The following MSI2 variants were observed in gnomAD, a reference collection of about 807,000 sequenced individuals.
The protein encoded by MSI2 is RNA-binding protein Musashi homolog 2.
MSI2 carries 17 observed loss-of-function variants against 45.6 expected under a neutral mutation model. That is an observed-to-expected ratio of 0.37 (90% CI 0.26 to 0.56). MSI2 has a LOEUF of 0.56. Ranked by LOEUF, MSI2 falls within the 20% of genes least tolerant of loss-of-function variation. The probability of loss-of-function intolerance (pLI) is 0.77; values close to 1 mark genes in which losing one functional copy is unlikely to be tolerated. For missense variants in MSI2, 293 were observed against 444.2 expected (o/e 0.66, Z 3.06); for synonymous variants, 156 against 158.2 (o/e 0.99, Z 0.11).
chr17:57,626,917 A>G, intron 9 of MSI2: 1 of 458,180 alleles, frequency 2.2e-6, no homozygotes, highest in Non-Finnish European at 3.9e-6. Flanking sequence ...AGCTCTCCAA[A>G]TGTCAGAGCC....
chr17:57,260,297 C>T (rs1327503216), intron 4 of MSI2, among the ~76,000 whole-genome samples: 1 of 152,196 alleles, frequency 6.6e-6, no homozygotes, highest in Non-Finnish European at 1.5e-5. Flanking sequence ...GAACTTCGAT[C>T]ATGATATAAT....
chr17:57,481,881 C>T lies in MSI2; in HGVS notation c.406-47795C>T, dbSNP rs150214549. On this transcript the variant is annotated intron_variant, in intron 6 of 13. Transcript: ENST00000284073. Reference sequence around the variant, plus strand: ...GCTTTTATACAAAGGAGTTAAGACACGGGTAGGAAAGATAATAGAACTATA... The same window carrying T: ...GCTTTTATACAAAGGAGTTAAGACATGGGTAGGAAAGATAATAGAACTATA... 6.7e-3 allele frequency among the ~76,000 whole-genome samples: 1,027 copies of T among 152,254 alleles called. 8 individuals carry two copies. The highest frequency in any genetic ancestry group is 0.015 in the Admixed American group (224 of 15,284).
chr17:57,695,846 C>CT, the MSI2 span, among the ~76,000 whole-genome samples: 2,723 of 152,300 alleles, frequency 0.018, 24 homozygotes, highest in Non-Finnish European at 0.029. Flanking sequence ...TGACGGCTCT[C>CT]TTCCTGGCTT....
At position 57,669,031 on chromosome 17, in the gene MSI2, C is replaced by T. The variant is rs569335090; in HGVS notation, c.791-5941C>T. Among the ~76,000 whole-genome samples the T allele has an allele frequency of 6.6e-5, 10 of 152,376 alleles. No homozygotes were observed. The South Asian group carries it at 2.1e-3, about 32-fold the overall frequency. On this transcript the variant is annotated intron_variant, in intron 11 of 13. Transcript: ENST00000284073. ...AAGCTTGAGCCAAGGATTGCTGGGA[C>T]ATAGCTGGCCGGGCAGACTCCTGAA...
chr17:57,634,475 AG>A (rs370869947), intron 10 of MSI2, among the ~76,000 whole-genome samples: 2 of 138,036 alleles, frequency 1.4e-5, no homozygotes, highest in Admixed American at 7.2e-5. Flanking sequence ...CAAAAAAAAA[AG>A]AGAGAGAGAG....
chr17:57,538,319 A>G (rs1049163997), intron 7 of MSI2, among the ~76,000 whole-genome samples: 2 of 151,810 alleles, frequency 1.3e-5, no homozygotes, highest in African/African-American at 2.4e-5. Flanking sequence ...GTTATTATGC[A>G]CCTCTGGACT....
intron 11 of MSI2, chr17:57,671,636 A>G (rs1005275497): frequency 8.4e-6 from 1 of 118,962 alleles, no homozygotes; most frequent in Non-Finnish European, 1.7e-5. Flanking sequence ...CTCTCCTCTT[A>G]GAGGGAGACG....
In MSI2 at chr17:57,482,886, A is replaced by G. The variant is rs141541189; in HGVS notation, c.406-46790A>G. On this transcript the variant is annotated intron_variant, in intron 6 of 13. Coordinates refer to ENST00000284073, the MANE Select transcript of MSI2 (RefSeq NM_138962.4). ...GCAGTTCATTCTGACAGCTTGATAG[A>G]TGGAGTGGTTTTGCATGGCATCCAT... Among the ~76,000 whole-genome samples, 8 of 152,300 alleles carry G rather than the reference A, an allele frequency of 5.3e-5. No homozygotes were observed. In the East Asian group the frequency reaches 9.6e-4, roughly 18 times the overall value.
chr17:57,351,365 G>T (rs146472035), intron 5 of MSI2, among the ~76,000 whole-genome samples: 6 of 152,134 alleles, frequency 3.9e-5, no homozygotes, highest in African/African-American at 1.4e-4. Context: ...GGGCTTAGTT[G>T]CCCTCCCCAG....
At chr17:57,341,969 C>T (rs992320567) in intron 5 of MSI2, among the ~76,000 whole-genome samples, 5 of 152,078 alleles carry the variant, frequency 3.3e-5, no homozygotes, top group Non-Finnish European at 5.9e-5. Context: ...CCAGAGTGAG[C>T]TACATATTGC....
chr17:57,436,055 G>GAA (rs1176926885), intron 6 of MSI2, among the ~76,000 whole-genome samples: 2 of 152,200 alleles, frequency 1.3e-5, no homozygotes. Context: ...ATGCATGCCT[G>GAA]AAAAATCTAT....
At chr17:57,488,884 G>A (rs746699513) in intron 6 of MSI2, among the ~76,000 whole-genome samples, 2 of 152,050 alleles carry the variant, frequency 1.3e-5, no homozygotes, top group Non-Finnish European at 2.9e-5. Flanking sequence ...CTGGCGGTGT[G>A]CAGACACGAT....
intron 7 of MSI2, among the ~76,000 whole-genome samples, chr17:57,544,072 G>A (rs775935243): frequency 2.6e-5 from 4 of 152,150 alleles, no homozygotes; most frequent in Non-Finnish European, 4.4e-5. Context: ...AGCTCTGTGT[G>A]TTGTGTGTAT....
chr17:57,268,795 A>C (rs571045804), intron 5 of MSI2, among the ~76,000 whole-genome samples: 6 of 152,292 alleles, frequency 3.9e-5, no homozygotes, highest in African/African-American at 1.4e-4. Flanking sequence ...AGATTGCGCC[A>C]CTGCACTCCA....
At chr17:57,551,238 G>A (rs900741792) in intron 7 of MSI2, among the ~76,000 whole-genome samples, 1 of 152,244 alleles carries the variant, frequency 6.6e-6, no homozygotes, top group East Asian at 1.9e-4. Flanking sequence ...GCAATATTAT[G>A]TCTCAGACTA....
intron 6 of MSI2, among the ~76,000 whole-genome samples, chr17:57,489,291 G>A (rs1261375281): frequency 6.6e-6 from 1 of 152,190 alleles, no homozygotes. Context: ...AGCTTCTCAA[G>A]GGAGAACATG....
chr17:57,393,648 G>C (rs1476046228), intron 5 of MSI2, among the ~76,000 whole-genome samples: 1 of 152,052 alleles, frequency 6.6e-6, no homozygotes, highest in Admixed American at 6.6e-5. Flanking sequence ...CGGAATTGCT[G>C]GATCATATGG....
At chr17:57,566,152 G>A (rs1207971892) in intron 7 of MSI2, among the ~76,000 whole-genome samples, 2 of 152,142 alleles carry the variant, frequency 1.3e-5, no homozygotes, top group Admixed American at 1.3e-4. Context: ...AAGACCTTCA[G>A]ACCCAGAGCT....
chr17:57,403,382 C>G (rs1225932255), intron 6 of MSI2, among the ~76,000 whole-genome samples: 1 of 152,194 alleles, frequency 6.6e-6, no homozygotes, highest in Non-Finnish European at 1.5e-5. Flanking sequence ...ACACTGCAAG[C>G]TTTGGCCATG....
Sources: gnomAD v4.1 joint callset for allele counts (sites outside exome capture counted in the v4.1 genomes callset) on GRCh38, gnomAD v4.1.1 for gene constraint, MANE v1.5 for transcripts, NCBI Gene and HGNC (gene_info 2026-07-23, HGNC 2026-07-21) for gene names.